Variants in SYT9 observed in about 807,000 individuals in gnomAD.
The protein encoded by SYT9 is synaptotagmin-9.
A neutral mutation model predicts 48.4 loss-of-function variants in SYT9; 22 were observed. The ratio of observed to expected loss-of-function variants is 0.45; its 90% CI spans 0.32 to 0.65. The LOEUF (loss-of-function observed/expected upper bound fraction) is 0.65. Among genes scored for constraint, SYT9 ranks in the 30% least tolerant of loss-of-function variants. The pLI is 0.03. For missense variants in SYT9, 577 were observed against 622.0 expected (o/e 0.93, Z 0.77); for synonymous variants, 265 against 245.0 (o/e 1.08, Z -0.76).
chr11:7,387,288 C>A (rs952602849), intron 3 of SYT9, among the ~76,000 whole-genome samples: 1 of 151,736 alleles, frequency 6.6e-6, no homozygotes, highest in Non-Finnish European at 1.5e-5. Flanking sequence ...TGCACATGTA[C>A]CCTAAAACTT....
At chr11:7,336,230 C>G (rs1849628472) in intron 3 of SYT9, among the ~76,000 whole-genome samples, 1 of 152,110 alleles carries the variant, frequency 6.6e-6, no homozygotes, top group Non-Finnish European at 1.5e-5. Context: ...CTTATAAATG[C>G]TGGATATTAG....
intron 6 of SYT9, among the ~76,000 whole-genome samples, chr11:7,452,258 C>G (rs1479568400): frequency 6.6e-6 from 1 of 152,138 alleles, no homozygotes; most frequent in South Asian, 2.1e-4. Flanking sequence ...AGCACTTCTG[C>G]TTGTTGCCAC....
At chr11:7,381,863 C>T (rs1229407932) in intron 3 of SYT9, among the ~76,000 whole-genome samples, 1 of 152,206 alleles carries the variant, frequency 6.6e-6, no homozygotes, top group Non-Finnish European at 1.5e-5. Flanking sequence ...AGGATACAAG[C>T]AGCTTCCTAC....
chr11:7,329,302 A>G (rs890076290), intron 3 of SYT9, among the ~76,000 whole-genome samples: 6 of 152,158 alleles, frequency 3.9e-5, no homozygotes, highest in African/African-American at 1.4e-4. Flanking sequence ...AGCAGTTTCC[A>G]ATTAGTACTT....
At chr11:7,365,106 GC>G (rs772527862) in intron 3 of SYT9, among the ~76,000 whole-genome samples, 7 of 151,914 alleles carry the variant, frequency 4.6e-5, no homozygotes, top group Non-Finnish European at 8.8e-5. Flanking sequence ...ACAGTGAAAC[GC>G]TCCATTGACT....
At chr11:7,296,548 C>T (rs1388034185) in intron 1 of SYT9, among the ~76,000 whole-genome samples, 1 of 152,176 alleles carries the variant, frequency 6.6e-6, no homozygotes, top group Non-Finnish European at 1.5e-5. Context: ...ACAATTTCTC[C>T]TCCTTCCTCT....
At chr11:7,409,139 T>A (rs1031138359) in intron 3 of SYT9, among the ~76,000 whole-genome samples, 4 of 152,254 alleles carry the variant, frequency 2.6e-5, no homozygotes, top group Non-Finnish European at 5.9e-5. Flanking sequence ...AAATGCTTTT[T>A]CTGCATCTAT....
In SYT9 at chr11:7,252,015, G is replaced by T; in HGVS notation, c.-172G>T. ...GGCTGGCGAAGAGCTGCATGCAACC[G>T]GTGGGAGGCCGGGCCGGCTGGGTCT... is the stretch of plus-strand genomic sequence containing the variant. On this transcript the variant is annotated 5_prime_UTR_variant, in exon 1 of 7. Coordinates refer to ENST00000318881, the MANE Select transcript of SYT9 (RefSeq NM_175733.4). This position sits in a 1 kb window ranked among gnomAD's most constrained non-coding sequence, Gnocchi z 6.3. The T allele has an allele frequency of 1.5e-6, 1 of 653,988 alleles. No individual in the cohort carries two copies. Among genetic ancestry groups the T allele is most frequent in the Non-Finnish European group, 2.3e-6 (1 of 441,754 alleles). The allele number at this position is 653,988 out of a possible 1,614,324, so 40.5% of individuals were successfully genotyped here. A position where few individuals can be genotyped will look rare whatever the true frequency, so the allele number is the denominator to read the frequency against.
At chr11:7,416,506 T>C (rs909969376) in intron 4 of SYT9, among the ~76,000 whole-genome samples, 1 of 152,206 alleles carries the variant, frequency 6.6e-6, no homozygotes, top group Non-Finnish European at 1.5e-5. Context: ...CAGTTCCACA[T>C]CTGTAGATTC....
chr11:7,362,949 CTTTTTTTTTTTT>C (rs35065184), intron 3 of SYT9, among the ~76,000 whole-genome samples: 5 of 17,922 alleles, frequency 2.8e-4, no homozygotes, highest in African/African-American at 8.9e-4. Flanking sequence ...ATTTATTGGC[CTTTTTTTTTTTT>C]TTTTTTTTTT....
chr11:7,263,195 T>C (rs1319701564), intron 1 of SYT9, among the ~76,000 whole-genome samples: 1 of 152,170 alleles, frequency 6.6e-6, no homozygotes, highest in Non-Finnish European at 1.5e-5. Flanking sequence ...CTGGGTAGCT[T>C]ATGAACAACA....
chr11:7,424,785 C>G (rs1463739392), intron 6 of SYT9, among the ~76,000 whole-genome samples: 2 of 152,206 alleles, frequency 1.3e-5, no homozygotes, highest in African/African-American at 4.8e-5. Context: ...CTGCCTCACT[C>G]CAAGCTCAAC....
intron 3 of SYT9, among the ~76,000 whole-genome samples, chr11:7,330,400 G>A (rs564673529): frequency 2.6e-5 from 4 of 152,074 alleles, no homozygotes; most frequent in Non-Finnish European, 4.4e-5. Flanking sequence ...GGGGAGATGC[G>A]TTGATGACAA....
chr11:7,349,858 C>T (rs926056213), intron 3 of SYT9, among the ~76,000 whole-genome samples: 1 of 152,048 alleles, frequency 6.6e-6, no homozygotes, highest in South Asian at 2.1e-4. Flanking sequence ...TCAGTTTTCC[C>T]GATTATACTA....
In SYT9 at chr11:7,372,674, T is replaced by A. The variant is rs189276570; in HGVS notation, c.1045-43368T>A. ...ATTTGTGATTTGTAGGAATTCTTTA[T>A]TTTTATATACTTATTCTTAGCCACT... On this transcript the variant is annotated intron_variant, in intron 3 of 6. Transcript: ENST00000318881. 4.4e-3 allele frequency among the ~76,000 whole-genome samples: 668 copies of A among 152,300 alleles called. 6 individuals are homozygous for A. Among genetic ancestry groups the A allele is most frequent in the African/African-American group, 0.014 (562 of 41,574 alleles).
At chr11:7,418,704 C>T (rs1847296260) in intron 5 of SYT9, among the ~76,000 whole-genome samples, 1 of 152,148 alleles carries the variant, frequency 6.6e-6, no homozygotes, top group South Asian at 2.1e-4. Flanking sequence ...GTATAAGATG[C>T]TCAACTTTTT....
intron 3 of SYT9, among the ~76,000 whole-genome samples, chr11:7,359,893 T>A (rs539293260): frequency 3.3e-5 from 5 of 152,124 alleles, no homozygotes; most frequent in South Asian, 4.2e-4. Context: ...TTGTTACCAT[T>A]GCTTTTGGTG....
chr11:7,245,050 A>C lies in SYT9; in HGVS notation c.49+6134A>C, dbSNP rs927753781. 2.0e-5 allele frequency among the ~76,000 whole-genome samples: 3 copies of C among 152,214 alleles called. 1 individual carries two copies. The highest frequency in any genetic ancestry group is 1.3e-4 in the Admixed American group (2 of 15,284). On this transcript the variant is annotated intron_variant and NMD_transcript_variant, in intron 1 of 8. Transcript: ENST00000524820. ...AGAACCTGAGCAATGTCACACAAAA[A>C]GTGGATAAAGATACCGGATATTTGT...
At chr11:7,334,165 A>G (rs772561585) in intron 3 of SYT9, among the ~76,000 whole-genome samples, 7 of 152,212 alleles carry the variant, frequency 4.6e-5, no homozygotes, top group Admixed American at 4.6e-4. Context: ...TCAGGGGACA[A>G]AAAGTGCAGG....
Sources: allele counts gnomAD v4.1 joint callset (sites outside exome capture counted in the v4.1 genomes callset), GRCh38; gene constraint gnomAD v4.1.1; non-coding constraint Gnocchi (gnomAD v3.1); transcripts MANE v1.5; gene names NCBI Gene and HGNC (gene_info 2026-07-23, HGNC 2026-07-21).